NTM: variants seen among roughly 807,000 people sequenced by gnomAD.
NTM encodes IgLON family member 2.
NTM carries 13 observed loss-of-function variants against 42.1 expected under a neutral mutation model. The observed-to-expected ratio is 0.31, with a 90% CI of 0.20 to 0.49. NTM has a LOEUF of 0.49. Ranked by LOEUF, NTM falls within the 20% of genes least tolerant of loss-of-function variation. The pLI, the probability that NTM is intolerant of heterozygous loss-of-function variation, is 0.99. For synonymous variants in NTM, 187 were observed against 179.2 expected, an observed-to-expected ratio of 1.04 and a Z score of -0.35; for missense variants, 373 against 452.8, an observed-to-expected ratio of 0.82 and a Z score of 1.60.
intron 2 of NTM, among the ~76,000 whole-genome samples, chr11:132,011,867 A>G (rs2072275588): frequency 6.6e-6 from 1 of 152,154 alleles, no homozygotes; most frequent in Non-Finnish European, 1.5e-5. Flanking sequence ...CCTATTCTGT[A>G]TCTCAGAAGG....
At chr11:132,279,378 T>A (rs192527841) in intron 4 of NTM, among the ~76,000 whole-genome samples, 2 of 152,184 alleles carry the variant, frequency 1.3e-5, no homozygotes, top group Admixed American at 1.3e-4. Context: ...AGGGCACTGT[T>A]TATCACAGAG....
chr11:131,673,491 G>A (rs187658836), intron 1 of NTM, among the ~76,000 whole-genome samples: 7 of 152,340 alleles, frequency 4.6e-5, no homozygotes, highest in Middle Eastern at 3.4e-3. Flanking sequence ...CAGTGTGTGT[G>A]TCTTTCTTCT....
chr11:132,150,745 C>T (rs983822131), intron 3 of NTM, among the ~76,000 whole-genome samples: 1 of 151,906 alleles, frequency 6.6e-6, no homozygotes, highest in Admixed American at 6.6e-5. Flanking sequence ...AGGCAGAGTT[C>T]GAGGGTTGGT....
intron 4 of NTM, among the ~76,000 whole-genome samples, chr11:132,220,869 A>T (rs950620585): frequency 2.0e-5 from 3 of 152,188 alleles, no homozygotes; most frequent in African/African-American, 4.8e-5. Context: ...AGTCTCATTA[A>T]AATGGTAGCC....
chr11:131,517,658 G>C (rs1420018174), intron 1 of NTM, among the ~76,000 whole-genome samples: 1 of 151,844 alleles, frequency 6.6e-6, no homozygotes, highest in Admixed American at 6.6e-5. Context: ...TTTCTTCTTT[G>C]TGTCTGCTCT....
In NTM at chr11:132,198,073, C is replaced by T. The variant is rs569984371; in HGVS notation, c.401-13949C>T. Among the ~76,000 whole-genome samples the T allele has an allele frequency of 1.3e-3, 195 of 152,280 alleles. 1 individual carries two copies. Among genetic ancestry groups the T allele is most frequent in the Middle Eastern group, 0.01 (3 of 294 alleles). ...GTTCTAGATCCCTGAGGAATCGCCA[C>T]CCTGACTTCCACAATGGTTGAACTA... On this transcript the variant is annotated intron_variant, in intron 3 of 8. Coordinates refer to ENST00000683400, the MANE Select transcript of NTM (RefSeq NM_001352005.2).
At chr11:131,979,469 A>G (rs1260793113) in intron 2 of NTM, among the ~76,000 whole-genome samples, 4 of 152,222 alleles carry the variant, frequency 2.6e-5, no homozygotes, top group African/African-American at 9.6e-5. Flanking sequence ...GTTGGCATTC[A>G]AAAATTGGGC....
At chr11:131,505,020 ACCACAG>A (rs1031153831) in intron 1 of NTM, among the ~76,000 whole-genome samples, 15 of 152,008 alleles carry the variant, frequency 9.9e-5, no homozygotes, top group Admixed American at 2.0e-4. Context: ...GCTGCTCTAT[ACCACAG>A]TGGGGTATAC....
At chr11:131,565,857 T>G (rs2056828265) in intron 1 of NTM, among the ~76,000 whole-genome samples, 1 of 152,170 alleles carries the variant, frequency 6.6e-6, no homozygotes, top group Non-Finnish European at 1.5e-5. Flanking sequence ...GCCCGTCTTT[T>G]GCCTAGCATT....
Position 132,047,475 on chromosome 11 carries a change from C to T in NTM, c.168-98807C>T, listed in dbSNP as rs1375670755. Among the ~76,000 whole-genome samples the T allele has an allele frequency of 1.3e-5, 2 of 152,236 alleles. 1 individual carries two copies. Among genetic ancestry groups the T allele is most frequent in the South Asian group, 4.1e-4 (2 of 4,838 alleles). ...CTAAGCCTTTGGTCAGCTGTGCTTC[C>T]AATTCAAATGCCAGTTTTCTTCAAA... is the stretch of plus-strand genomic sequence containing the variant. On this transcript the variant is annotated intron_variant, in intron 2 of 8. Coordinates refer to ENST00000683400, the MANE Select transcript of NTM (RefSeq NM_001352005.2).
At chr11:131,629,659 A>G (rs1196642833) in intron 1 of NTM, among the ~76,000 whole-genome samples, 2 of 152,190 alleles carry the variant, frequency 1.3e-5, no homozygotes, top group African/African-American at 2.4e-5. Context: ...GCATGGCTAC[A>G]TGCACACAAT....
chr11:132,081,638 A>G (rs1034980997), intron 2 of NTM, among the ~76,000 whole-genome samples: 1 of 151,792 alleles, frequency 6.6e-6, no homozygotes, highest in Non-Finnish European at 1.5e-5. Flanking sequence ...AGGCCGAGGC[A>G]GGAGAATGGC....
chr11:131,721,406 C>A (rs1407530600), intron 1 of NTM, among the ~76,000 whole-genome samples: 1 of 152,136 alleles, frequency 6.6e-6, no homozygotes, highest in African/African-American at 2.4e-5. Context: ...TCATCTGTAG[C>A]ATGGGGATAA....
chr11:131,643,166 G>A (rs2065346774), intron 1 of NTM, among the ~76,000 whole-genome samples: 1 of 152,096 alleles, frequency 6.6e-6, no homozygotes. Flanking sequence ...TTTTCAGCAA[G>A]TAACACTCAA....
At chr11:131,919,638 A>C (rs970208231) in intron 2 of NTM, among the ~76,000 whole-genome samples, 1 of 152,176 alleles carries the variant, frequency 6.6e-6, no homozygotes, top group Non-Finnish European at 1.5e-5. Flanking sequence ...CCCTGCATTT[A>C]AACAGGACCG....
At chr11:131,380,136 C>T (rs1448115706) in intron 1 of NTM, among the ~76,000 whole-genome samples, 3 of 152,102 alleles carry the variant, frequency 2.0e-5, no homozygotes, top group Non-Finnish European at 2.9e-5. Flanking sequence ...CAGGCCCTAC[C>T]CTGCCCCTCT....
At position 132,169,320 on chromosome 11, in the gene NTM, C is replaced by CTTTTTTTTTTTTTTTTTTTTT. The variant is rs567723794; in HGVS notation, c.400+22818_400+22838dup. Among the ~76,000 whole-genome samples, 15 of 32,372 alleles carry CTTTTTTTTTTTTTTTTTTTTT rather than the reference C, an allele frequency of 4.6e-4. 5 individuals are homozygous for CTTTTTTTTTTTTTTTTTTTTT. The highest frequency in any genetic ancestry group is 1.0e-3 in the African/African-American group (9 of 8,670). 21.2% of individuals were successfully genotyped at this position (32,372 alleles called of 152,430 possible). On this transcript the variant is annotated intron_variant, in intron 3 of 8. Coordinates refer to ENST00000683400, the MANE Select transcript of NTM (RefSeq NM_001352005.2). Reference sequence around the variant, plus strand: ...GTGATATCTAGGTTTAATTTTTTTACTTTTTTTTTTTTTTTTTTTTTTTTT... The same window carrying CTTTTTTTTTTTTTTTTTTTTT: ...GTGATATCTAGGTTTAATTTTTTTACTTTTTTTTTTTTTTTTTTTTTTTTTTTTTTTTTTTTTTTTTTTTTT...
At position 132,020,069 on chromosome 11, in the gene NTM, A is replaced by G. The variant is rs184735544; in HGVS notation, c.167+108421A>G. 3.3e-3 allele frequency among the ~76,000 whole-genome samples: 502 copies of G among 152,200 alleles called. 3 individuals are homozygous for G. The highest frequency in any genetic ancestry group is 0.011 in the African/African-American group (475 of 41,554). On this transcript the variant is annotated intron_variant, in intron 2 of 8. Transcript: ENST00000683400. ...TACCCAGTGTTTAACTCCTGATTAT[A>G]AGTGAGAATAGGCAATATTTGATTT...
intron 2 of NTM, among the ~76,000 whole-genome samples, chr11:132,085,295 A>G (rs1167182128): frequency 6.6e-6 from 1 of 152,194 alleles, no homozygotes. Context: ...AGCAATTTTT[A>G]ACTTTAACAT....
Sources: gnomAD v4.1 joint callset for allele counts (sites outside exome capture counted in the v4.1 genomes callset) on GRCh38, gnomAD v4.1.1 for gene constraint, MANE v1.5 for transcripts, NCBI Gene and HGNC (gene_info 2026-07-23, HGNC 2026-07-21) for gene names.